The following PBX3 variants were observed in gnomAD, a reference collection of about 807,000 sequenced individuals.
PBX3 encodes the protein pre-B-cell leukemia transcription factor 3.
Under a neutral mutation model 48.5 loss-of-function variants are expected in PBX3, and 14 were observed. The observed-to-expected ratio is 0.29, with a 90% confidence interval of 0.19 to 0.45. The LOEUF is 0.45. PBX3 is among the 20% of genes least tolerant of loss of function. PBX3 has a pLI of 1.00. For synonymous variants in PBX3, 210 were observed against 200.3 expected, an observed-to-expected ratio of 1.05 and a Z score of -0.41; for missense variants, 386 against 546.7, an observed-to-expected ratio of 0.71 and a Z score of 2.93.
chr9:125,899,729 A>G (rs1459963300), intron 2 of PBX3, among the ~76,000 whole-genome samples: 1 of 151,668 alleles, frequency 6.6e-6, no homozygotes, highest in Middle Eastern at 3.2e-3. Flanking sequence ...TAATTTGTCC[A>G]AACACTTCAT....
chr9:125,889,803 G>C (rs908652595), intron 2 of PBX3, among the ~76,000 whole-genome samples: 19 of 148,974 alleles, frequency 1.3e-4, no homozygotes, highest in African/African-American at 3.2e-4. Context: ...GAACGCGGGA[G>C]GGGGAGCCGG....
intron 2 of PBX3, among the ~76,000 whole-genome samples, chr9:125,890,792 C>G (rs1473648698): frequency 1.3e-5 from 2 of 152,158 alleles, no homozygotes; most frequent in Non-Finnish European, 2.9e-5. Context: ...AGCAGAACAA[C>G]AGAGCACTGA....
chr9:125,927,620 C>T (rs753747717), intron 3 of PBX3, among the ~76,000 whole-genome samples: 16 of 152,174 alleles, frequency 1.1e-4, no homozygotes, highest in Non-Finnish European at 2.2e-4. Flanking sequence ...AATTTCCCAT[C>T]CTGCATTTTT....
At chr9:125,849,682 C>G (rs959081391) in intron 2 of PBX3, among the ~76,000 whole-genome samples, 2 of 151,790 alleles carry the variant, frequency 1.3e-5, no homozygotes, top group African/African-American at 4.8e-5. Flanking sequence ...CATGATGAGT[C>G]TTAGATTTGA....
chr9:125,779,969 G>A (rs1387795020), intron 2 of PBX3, among the ~76,000 whole-genome samples: 1 of 141,268 alleles, frequency 7.1e-6, no homozygotes, highest in Admixed American at 6.9e-5. Flanking sequence ...GGACGGGGCG[G>A]CTGGCCGGGC....
chr9:125,931,700 G>C (rs1403685351), intron 4 of PBX3, among the ~76,000 whole-genome samples: 1 of 152,112 alleles, frequency 6.6e-6, no homozygotes, highest in Non-Finnish European at 1.5e-5. Flanking sequence ...CCCCAATTGA[G>C]CTTATATTCT....
At chr9:125,934,069 G>T (rs1422491881) in intron 4 of PBX3, among the ~76,000 whole-genome samples, 2 of 152,028 alleles carry the variant, frequency 1.3e-5, no homozygotes, top group African/African-American at 4.8e-5. Context: ...ATCAAATCCT[G>T]TTGATTTTAA....
At chr9:125,921,215 TC>T (rs1284371530) in intron 3 of PBX3, among the ~76,000 whole-genome samples, 1 of 152,198 alleles carries the variant, frequency 6.6e-6, no homozygotes, top group Admixed American at 6.5e-5. Context: ...TTTGGTTTGT[TC>T]CCTTTTTTTC....
At chr9:125,837,103 G>A (rs1839159612) in intron 2 of PBX3, among the ~76,000 whole-genome samples, 1 of 152,146 alleles carries the variant, frequency 6.6e-6, no homozygotes, top group Non-Finnish European at 1.5e-5. Flanking sequence ...GATTAGAATA[G>A]TAAAAGCTTG....
intron 5 of PBX3, among the ~76,000 whole-genome samples, chr9:125,945,825 A>G (rs1039494238): frequency 1.3e-5 from 2 of 152,204 alleles, no homozygotes; most frequent in Non-Finnish European, 2.9e-5. Flanking sequence ...AAGAAAGGTC[A>G]AGGTTAAAGA....
At chr9:125,868,226 A>T (rs1455380380) in intron 2 of PBX3, among the ~76,000 whole-genome samples, 5 of 151,894 alleles carry the variant, frequency 3.3e-5, no homozygotes, top group Non-Finnish European at 5.9e-5. Flanking sequence ...TGTGCCAAGC[A>T]CTTTGTATGA....
chr9:125,774,439 C>A (rs184225592), intron 2 of PBX3, among the ~76,000 whole-genome samples: 3 of 152,336 alleles, frequency 2.0e-5, no homozygotes, highest in East Asian at 1.9e-4. Flanking sequence ...AACCACCAAT[C>A]TGCTTTCTAT....
chr9:125,811,720 T>C (rs983144959), intron 2 of PBX3, among the ~76,000 whole-genome samples: 6 of 152,212 alleles, frequency 3.9e-5, no homozygotes, highest in Admixed American at 3.9e-4. Context: ...GTGTTCATTT[T>C]CTCATTTGCA....
At position 125,960,809 on chromosome 9, in the gene PBX3, G is replaced by T. The variant is rs372253003; in HGVS notation, c.969G>T (p.Val323=). Residue 323 remains valine, a synonymous_variant, in exon 6 of 9, where the codon GTG becomes GTT. Coordinates refer to ENST00000373489, the MANE Select transcript of PBX3 (RefSeq NM_006195.6). ...CTGCACACGCAGTAGCAGCAGCTGT[G>T]CAGAACAACCAGACCAATTCGCCCA... ...VTAAHAVAAA[V]QNNQTNSPTT... The T allele has an allele frequency of 6.2e-7, 1 of 1,614,052 alleles. No individual in the cohort carries two copies. The highest frequency in any genetic ancestry group is 1.3e-5 in the African/African-American group (1 of 74,930).
At chr9:125,799,212 G>T (rs1837868236) in intron 2 of PBX3, among the ~76,000 whole-genome samples, 1 of 152,182 alleles carries the variant, frequency 6.6e-6, no homozygotes, top group Non-Finnish European at 1.5e-5. Context: ...ATGACCAGAA[G>T]TAACAATAAT....
intron 2 of PBX3, among the ~76,000 whole-genome samples, chr9:125,866,897 C>G (rs1839995600): frequency 6.6e-6 from 1 of 152,096 alleles, no homozygotes; most frequent in South Asian, 2.1e-4. Context: ...GATTAGGCAA[C>G]TAAATTTTTT....
intron 2 of PBX3, among the ~76,000 whole-genome samples, chr9:125,765,098 G>A (rs1159641809): frequency 6.6e-6 from 1 of 151,724 alleles, no homozygotes; most frequent in Non-Finnish European, 1.5e-5. Context: ...CTGGTAACAG[G>A]TTCTTGTAAA....
At chr9:125,899,223 A>G (rs1446834048) in intron 2 of PBX3, among the ~76,000 whole-genome samples, 6 of 120,050 alleles carry the variant, frequency 5.0e-5, no homozygotes, top group Admixed American at 1.8e-4. Context: ...ACATATGTAT[A>G]TATATTTATA....
chr9:125,761,585 G>A (rs1049687369), intron 2 of PBX3, among the ~76,000 whole-genome samples: 3 of 151,838 alleles, frequency 2.0e-5, no homozygotes, highest in African/African-American at 4.8e-5. Flanking sequence ...AAAAGCTACA[G>A]GGCCCCACTC....
Sources: allele counts gnomAD v4.1 joint callset (sites outside exome capture counted in the v4.1 genomes callset), GRCh38; gene constraint gnomAD v4.1.1; transcripts MANE v1.5; gene names NCBI Gene and HGNC (gene_info 2026-07-23, HGNC 2026-07-21).